The following TRPC4AP variants were observed in gnomAD, a reference collection of about 807,000 sequenced individuals.
TRPC4AP encodes the protein transient receptor potential cation channel subfamily C member 4 associated protein, also known as short transient receptor potential channel 4-associated protein.
TRPC4AP carries 45 observed loss-of-function variants against 99.0 expected under a neutral mutation model. The observed-to-expected ratio is 0.45, with a 90% CI of 0.36 to 0.58. The LOEUF is 0.58. TRPC4AP is among the 20% of genes least tolerant of loss of function. The probability of loss-of-function intolerance (pLI) is 0.00; values close to 1 mark genes in which losing one functional copy is unlikely to be tolerated. For missense variants in TRPC4AP, 879 were observed against 985.3 expected (o/e 0.89, Z 1.44); for synonymous variants, 408 against 385.8 (o/e 1.06, Z -0.67).
intron 10 of TRPC4AP, among the ~76,000 whole-genome samples, chr20:35,013,847 C>A (rs1001321064): frequency 2.0e-5 from 3 of 152,326 alleles, no homozygotes. Context: ...GTTAGAAAGG[C>A]CTGACCCACC....
At chr20:35,003,730 A>C (rs920506329) in intron 17 of TRPC4AP, 114 bp from the exon 18 acceptor site, 9 of 1,144,518 alleles carry the variant, frequency 7.9e-6, no homozygotes, top group Non-Finnish European at 9.8e-6. Context: ...CGGGCCACCC[A>C]CAGAGCTCTC....
intron 10 of TRPC4AP, 57 bp downstream of exon 10, chr20:35,015,951 G>T (rs1473618316): frequency 3.3e-5 from 53 of 1,604,870 alleles, no homozygotes; most frequent in Non-Finnish European, 4.4e-5. Context: ...AGCAGGTCTT[G>T]AAACAACTAC....
chr20:35,075,608 A>C (rs111915008), intron 2 of TRPC4AP, among the ~76,000 whole-genome samples: 6,717 of 152,230 alleles, frequency 0.044, 484 homozygotes, highest in African/African-American at 0.15. Context: ...TGGCTTGTAG[A>C]GTTTCTGCCA....
intron 1 of TRPC4AP, among the ~76,000 whole-genome samples, chr20:35,086,477 A>ATATG (rs1569157601): frequency 1.6e-5 from 1 of 64,292 alleles, no homozygotes; most frequent in Non-Finnish European, 3.2e-5. Context: ...GTGTGTGTGT[A>ATATG]TGTGTGTGTA....
chr20:35,084,518 A>G (rs2084751903), intron 1 of TRPC4AP, among the ~76,000 whole-genome samples: 1 of 148,036 alleles, frequency 6.8e-6, no homozygotes, highest in African/African-American at 2.5e-5. Context: ...ATACGTATAT[A>G]TGTGTATATA....
In TRPC4AP at chr20:35,003,499, C is replaced by A; in HGVS notation, c.2167G>T (p.Gly723Cys). ...QRMEHSKKYP[G>C]FLLNNFHNLL... ...TTGTGGAAGTTGTTGAGCAGGAAGCCGGGGTACTTCTTGCTGTGCTCCATC... is the reference window on the plus strand; with the variant it reads ...TTGTGGAAGTTGTTGAGCAGGAAGCAGGGGTACTTCTTGCTGTGCTCCATC... The change falls in exon 18 of 19, where the codon GGC (glycine) becomes TGC (cysteine). Residue 723 changes from glycine (G) to cysteine (C), a missense_variant. Gly to Cys is a radical substitution (Grantham distance 159, BLOSUM62 -3). Around this residue, in one of 3 missense-constraint regions of TRPC4AP, gnomAD observed 224 missense variants for 264.7 expected, o/e 0.85. Coordinates refer to ENST00000252015, the MANE Select transcript of TRPC4AP (RefSeq NM_015638.3). 2 of 1,614,066 alleles carry A rather than the reference C, an allele frequency of 1.2e-6. No individual in the cohort carries two copies. Among genetic ancestry groups the A allele is most frequent in the Non-Finnish European group, 1.7e-6 (2 of 1,180,026 alleles).
In TRPC4AP at chr20:35,078,095, G is replaced by C. The variant is rs766800764; in HGVS notation, c.248C>G (p.Thr83Ser). Residue 83 changes from threonine to serine, a missense_variant, in exon 2 of 19, where the codon ACC becomes AGC. Thr to Ser is a moderately conservative substitution (Grantham distance 58, BLOSUM62 1). Coordinates refer to ENST00000252015, the MANE Select transcript of TRPC4AP (RefSeq NM_015638.3). ...AAAGTCACTGTGGAGGTGGCTGGTGGTGTGCAGCTTGAGGAGCAGCTGAGG... is the reference window on the plus strand; with the variant it reads ...AAAGTCACTGTGGAGGTGGCTGGTGCTGTGCAGCTTGAGGAGCAGCTGAGG... ...GIPQLLLKLHTTSHLHSDFVE... is the reference protein window; with the variant it reads ...GIPQLLLKLHSTSHLHSDFVE... The C allele has an allele frequency of 1.2e-6, 2 of 1,614,010 alleles. No individual in the cohort carries two copies. Among genetic ancestry groups the C allele is most frequent in the South Asian group, 1.1e-5 (1 of 91,066 alleles).
At chr20:35,084,520 G>A (rs1196581925) in intron 1 of TRPC4AP, among the ~76,000 whole-genome samples, 3 of 147,800 alleles carry the variant, frequency 2.0e-5, no homozygotes, top group East Asian at 3.9e-4. Context: ...ACGTATATAT[G>A]TGTATATATG....
chr20:35,088,898 G>C (rs1258809134), intron 1 of TRPC4AP, among the ~76,000 whole-genome samples: 1 of 152,154 alleles, frequency 6.6e-6, no homozygotes, highest in Non-Finnish European at 1.5e-5. Flanking sequence ...CACAAAAACA[G>C]AAAGGAGAAG....
rs147031235 is a variant in TRPC4AP at position 35,008,869 on chromosome 20, C to T, written c.1512-122G>A. ...GGACATTTCCAAGTCTGCAGGATGCCTTCCTGCTCCAACTGGGTCCAGAGC... is the reference window on the plus strand; with the variant it reads ...GGACATTTCCAAGTCTGCAGGATGCTTTCCTGCTCCAACTGGGTCCAGAGC... On this transcript the variant is annotated intron_variant, in intron 12 of 18. Transcript: ENST00000252015. 132 of 857,780 alleles carry T rather than the reference C, an allele frequency of 1.5e-4. 1 individual carries two copies. The African/African-American group carries it at 1.9e-3, about 12-fold the overall frequency. 53.1% of individuals were successfully genotyped at this position (857,780 alleles called of 1,614,324 possible).
At chr20:35,008,856 G>A (rs2082569732) in intron 12 of TRPC4AP, 109 bp from the exon 13 acceptor site, 1 of 1,007,442 alleles carries the variant, frequency 9.9e-7, no homozygotes, top group Non-Finnish European at 1.5e-6. Flanking sequence ...ACATTTCCAA[G>A]TCTGCAGGAT....
chr20:35,008,668 A>G lies in TRPC4AP; in HGVS notation c.1591T>C (p.Phe531Leu). 1 of 1,613,516 alleles carries G rather than the reference A, an allele frequency of 6.2e-7. No homozygotes were observed. The highest frequency in any genetic ancestry group is 1.3e-5 in the African/African-American group (1 of 74,998). The stretch of plus-strand genomic sequence containing the variant: ...GGTACTTTTCCCCAGACTCACCTGA[A>G]AGACGACTCTGCTGGCTCCTTCTTC... ...VMKKEPAESS[F>L]RFWQARAVES... The change falls in exon 13 of 19, where the codon TTC becomes CTC. Residue 531 changes from phenylalanine (F) to leucine (L), a missense_variant. By Grantham distance (22) the Phe-to-Leu change is conservative. Coordinates refer to ENST00000252015, the MANE Select transcript of TRPC4AP (RefSeq NM_015638.3).
chr20:35,061,094 A>C (rs901006712), intron 3 of TRPC4AP, among the ~76,000 whole-genome samples: 3 of 152,250 alleles, frequency 2.0e-5, no homozygotes, highest in African/African-American at 7.2e-5. Flanking sequence ...AAAATTCCTA[A>C]AGAATCCACT....
chr20:35,089,003 A>T (rs1200649753), intron 1 of TRPC4AP, among the ~76,000 whole-genome samples: 1 of 151,766 alleles, frequency 6.6e-6, no homozygotes, highest in Non-Finnish European at 1.5e-5. Flanking sequence ...CTGTTTCACA[A>T]CAATGGGAAT....
chr20:35,082,252 A>G (rs954994280), intron 1 of TRPC4AP, among the ~76,000 whole-genome samples: 27 of 152,236 alleles, frequency 1.8e-4, no homozygotes, highest in African/African-American at 6.5e-4. Flanking sequence ...ATATTTTAAC[A>G]CAATTAAACA....
rs772500530 is a variant in TRPC4AP at position 35,060,304 on chromosome 20, A to G, written c.415-2733T>C. On this transcript the variant is annotated intron_variant, in intron 3 of 18. Transcript: ENST00000252015. Reference sequence around the variant, plus strand: ...TCCAGACACATACAAAAAGGATTATACTCCACGCATGATGGCTTATGCCTG... The same window carrying G: ...TCCAGACACATACAAAAAGGATTATGCTCCACGCATGATGGCTTATGCCTG... Among the ~76,000 whole-genome samples, 161 of 152,166 alleles carry G rather than the reference A, an allele frequency of 1.1e-3. 2 individuals carry two copies. The highest frequency in any genetic ancestry group is 3.4e-4 in the Non-Finnish European group (23 of 68,018).
At chr20:35,074,377 G>C (rs1600648367) in intron 2 of TRPC4AP, among the ~76,000 whole-genome samples, 1 of 152,054 alleles carries the variant, frequency 6.6e-6, no homozygotes, top group Non-Finnish European at 1.5e-5. Context: ...GTCAATTTTA[G>C]ATCTTTCCGG....
At chr20:35,092,548 T>TC in intron 1 of TRPC4AP, 66 bp downstream of exon 1, 1 of 1,412,870 alleles carries the variant, frequency 7.1e-7, no homozygotes, top group Non-Finnish European at 9.1e-7. Flanking sequence ...AAAGGCCTCT[T>TC]CCCCGGCCCC....
At chr20:35,025,074 C>G (rs1205575943) in intron 8 of TRPC4AP, among the ~76,000 whole-genome samples, 2 of 152,212 alleles carry the variant, frequency 1.3e-5, no homozygotes, top group Non-Finnish European at 2.9e-5. Flanking sequence ...AGTGGCTGCA[C>G]TATTCTACAT....
Sources: gnomAD v4.1 joint callset for allele counts (sites outside exome capture counted in the v4.1 genomes callset) on GRCh38, gnomAD v4.1.1 for gene constraint, gnomAD v4.1.1 regional missense constraint, MANE v1.5 for transcripts, NCBI Gene and HGNC (gene_info 2026-07-23, HGNC 2026-07-21) for gene names.